The following TTC12 variants were observed in gnomAD, a reference collection of about 807,000 sequenced individuals.
TTC12 encodes the protein tetratricopeptide repeat protein 12.
In TTC12, 70 loss-of-function variants were observed where a neutral mutation model predicts 90.1. That is an observed-to-expected ratio of 0.78 (90% CI 0.64 to 0.95). TTC12 has a LOEUF of 0.95. TTC12 is among the 40% of genes least tolerant of loss of function. TTC12 has a pLI of 0.00. For synonymous variants in TTC12, 296 were observed against 311.5 expected (o/e 0.95, Z 0.53); for missense variants, 819 against 846.1 (o/e 0.97, Z 0.40).
At chr11:113,342,320 G>A (rs1470764753) in intron 12 of TTC12, among the ~76,000 whole-genome samples, 2 of 152,250 alleles carry the variant, frequency 1.3e-5, no homozygotes, top group Admixed American at 1.3e-4. Context: ...AATATCTTCA[G>A]ACACTGATTA....
chr11:113,326,007 A>G (rs372245445), intron 6 of TTC12, among the ~76,000 whole-genome samples: 2 of 152,130 alleles, frequency 1.3e-5, no homozygotes, highest in African/African-American at 2.4e-5. Context: ...GAATTCTGCT[A>G]CCAACATATT....
chr11:113,353,831 T>C (rs1555151449), intron 16 of TTC12, among the ~76,000 whole-genome samples: 1 of 152,244 alleles, frequency 6.6e-6, no homozygotes, highest in Non-Finnish European at 1.5e-5. Flanking sequence ...TGTGTCTGTT[T>C]TTATACCAGT....
At chr11:113,373,115 C>T in intron 21 of TTC12, 1 of 796,338 alleles carries the variant, frequency 1.3e-6, no homozygotes, top group Non-Finnish European at 1.5e-6. Context: ...CATTATTCTC[C>T]CTTTACAGAT....
intron 1 of TTC12, among the ~76,000 whole-genome samples, chr11:113,315,779 G>A (rs1339828447): frequency 6.6e-6 from 1 of 152,222 alleles, no homozygotes; most frequent in South Asian, 2.1e-4. Context: ...GCCAAAGGCA[G>A]ATTTTAAACA....
At chr11:113,346,896 TG>T (rs1304341530) in intron 13 of TTC12, among the ~76,000 whole-genome samples, 2 of 152,198 alleles carry the variant, frequency 1.3e-5, no homozygotes, top group Non-Finnish European at 2.9e-5. Flanking sequence ...ATTAGTTACA[TG>T]AAAGCATTTT....
intron 20 of TTC12, 89 bp downstream of exon 20, chr11:113,364,016 T>C: frequency 1.2e-6 from 1 of 836,914 alleles, no homozygotes; most frequent in Non-Finnish European, 2.0e-6. Flanking sequence ...AGGAGGAACT[T>C]AGCAGCAATG....
intron 7 of TTC12, among the ~76,000 whole-genome samples, chr11:113,333,287 C>T (rs1344421253): frequency 6.6e-6 from 1 of 152,108 alleles, no homozygotes; most frequent in African/African-American, 2.4e-5. Context: ...TCTCCTCACT[C>T]AGGTTCTTGC....
intron 1 of TTC12, chr11:113,315,292 C>T (rs1291513454): frequency 6.6e-6 from 1 of 152,112 alleles, no homozygotes; most frequent in Non-Finnish European, 1.5e-5. Flanking sequence ...TTACTGTTCC[C>T]ATAGTATGGG....
At chr11:113,365,170 T>A in intron 21 of TTC12, 110 bp downstream of exon 21, 1 of 980,992 alleles carries the variant, frequency 1.0e-6, no homozygotes, top group Non-Finnish European at 1.5e-6. Flanking sequence ...TGGGAAGCCC[T>A]CATGCTTTCT....
Position 113,338,920 on chromosome 11 carries a change from C to A in TTC12, c.637+86C>A, listed in dbSNP as rs1327214432. On this transcript the variant is annotated intron_variant, in intron 9 of 21. Transcript: ENST00000529221. ...AGAATGCCTTCCGTGCTTTCACTGCCCTTGGCCACTAGGCAGCGGCGGATC... is the reference window on the plus strand; with the variant it reads ...AGAATGCCTTCCGTGCTTTCACTGCACTTGGCCACTAGGCAGCGGCGGATC... 5 of 1,234,352 alleles carry A rather than the reference C, an allele frequency of 4.1e-6. No individual in the cohort carries two copies. The East Asian group carries it at 9.3e-5, about 23-fold the overall frequency. The allele number at this position is 1,234,352 out of a possible 1,614,324, so 76.5% of individuals were successfully genotyped here.
At chr11:113,338,638 A>G (rs1251853333) in intron 8 of TTC12, 136 bp from the exon 9 acceptor site, 5 of 597,520 alleles carry the variant, frequency 8.4e-6, no homozygotes, top group African/African-American at 7.5e-5. Flanking sequence ...TTGTGTTCCT[A>G]TGCCTGTCTC....
chr11:113,363,710 G>A (rs1036584026), intron 19 of TTC12, 118 bp from the exon 20 acceptor site: 23 of 682,546 alleles, frequency 3.4e-5, no homozygotes, highest in Non-Finnish European at 5.5e-5. Context: ...GTTCTCAGTA[G>A]AATTCTCTTT....
chr11:113,367,902 G>A (rs941107482), downstream of TTC12, among the ~76,000 whole-genome samples: 8 of 152,184 alleles, frequency 5.3e-5, no homozygotes, highest in African/African-American at 1.9e-4. Flanking sequence ...CCCTTCAAGA[G>A]GCTACTGAAT....
At chr11:113,369,499 C>A (rs538439140), downstream of TTC12, among the ~76,000 whole-genome samples, 2 of 147,462 alleles carry the variant, frequency 1.4e-5, no homozygotes, top group African/African-American at 5.0e-5. Context: ...TAACATAAGC[C>A]TCATAACGAC....
At chr11:113,363,743 C>T (rs191641719) in intron 19 of TTC12, 85 bp from the exon 20 acceptor site, 298 of 885,668 alleles carry the variant, frequency 3.4e-4, no homozygotes, top group Admixed American at 5.2e-4. Flanking sequence ...AAGCCACTAG[C>T]GCTATAATAA....
intron 5 of TTC12, among the ~76,000 whole-genome samples, chr11:113,325,010 G>C (rs976155673): frequency 6.6e-6 from 1 of 152,222 alleles, no homozygotes; most frequent in Middle Eastern, 3.4e-3. Context: ...CTAGCCTAAG[G>C]CATAGATGAA....
At chr11:113,328,726 T>C (rs1158486871) in intron 6 of TTC12, among the ~76,000 whole-genome samples, 1 of 152,212 alleles carries the variant, frequency 6.6e-6, no homozygotes, top group East Asian at 1.9e-4. Flanking sequence ...AATCAATTTT[T>C]GAACATTTCA....
downstream of TTC12, chr11:113,368,128 T>C: frequency 7.7e-7 from 1 of 1,292,166 alleles, no homozygotes; most frequent in African/African-American, 1.5e-5. Context: ...ATGATAGGTG[T>C]ATTCTCTTCC....
intron 9 of TTC12, 108 bp downstream of exon 9, chr11:113,338,942 G>T: frequency 1.0e-6 from 1 of 978,286 alleles, no homozygotes; most frequent in Non-Finnish European, 1.6e-6. Context: ...GGCAGCGGCG[G>T]ATCCTCTTTC....
Sources: gnomAD v4.1 joint callset for allele counts (sites outside exome capture counted in the v4.1 genomes callset) on GRCh38, gnomAD v4.1.1 for gene constraint, MANE v1.5 for transcripts, NCBI Gene and HGNC (gene_info 2026-07-23, HGNC 2026-07-21) for gene names.